TCEA1: variants seen among roughly 807,000 people sequenced by gnomAD.
TCEA1 encodes the protein transcription elongation factor A1, also known as transcription elongation factor A protein 1.
TCEA1 carries 21 observed loss-of-function variants against 43.8 expected under a neutral mutation model. The ratio of observed to expected loss-of-function variants is 0.48; its 90% CI spans 0.34 to 0.69. The LOEUF is 0.69. Ranked by LOEUF, TCEA1 falls within the 30% of genes least tolerant of loss-of-function variation. TCEA1 has a pLI of 0.01. For missense variants in TCEA1, 250 were observed against 365.1 expected, an observed-to-expected ratio of 0.68 and a Z score of 2.57; for synonymous variants, 104 against 117.5, an observed-to-expected ratio of 0.88 and a Z score of 0.75.
At position 53,970,365 on chromosome 8, in the gene TCEA1, A is replaced by G. The variant is rs765024975; in HGVS notation, c.897+27T>C. The G allele has an allele frequency of 4.7e-6, 7 of 1,478,808 alleles. No homozygotes were observed. The East Asian group carries it at 9.1e-5, about 19-fold the overall frequency. 91.6% of individuals were successfully genotyped at this position (1,478,808 alleles called of 1,614,324 possible). On this transcript the variant is annotated intron_variant, in intron 9 of 9. Transcript: ENST00000521604. ...AAATCTTTCTATTTTAAGTGAGTAT[A>G]TAATATGAATCCAAGAGAGTCCATA...
At chr8:53,998,341 CT>C (rs922465573) in intron 3 of TCEA1, among the ~76,000 whole-genome samples, 6 of 151,356 alleles carry the variant, frequency 4.0e-5, no homozygotes, top group South Asian at 2.1e-4. Flanking sequence ...CCTTTCTGTA[CT>C]TTTTTTTTGT....
rs137877648 is a variant in TCEA1, at chr8:53,993,456, ACTT to A, written c.320+209_320+211del. ...AAACTTGTTGAGTACAATATAAATA[ACTT>A]CTTATTTATTCAATGTCTTCTACCT... On this transcript the variant is annotated intron_variant, in intron 4 of 9. Transcript: ENST00000521604. 665 of 417,914 alleles carry A rather than the reference ACTT, an allele frequency of 1.6e-3. 15 individuals carry two copies. The East Asian group carries it at 0.025, about 16-fold the overall frequency. 25.9% of individuals were successfully genotyped at this position (417,914 alleles called of 1,614,324 possible).
At chr8:53,970,339 G>T (rs1803120175) in intron 9 of TCEA1, 53 bp downstream of exon 9, 1 of 1,241,152 alleles carries the variant, frequency 8.1e-7, no homozygotes, top group Admixed American at 1.7e-5. Flanking sequence ...AAGACCAGAA[G>T]AAATCTTTCT....
chr8:53,989,671 T>C (rs1050774250), intron 4 of TCEA1, among the ~76,000 whole-genome samples: 8 of 152,370 alleles, frequency 5.3e-5, no homozygotes, highest in Non-Finnish European at 1.0e-4. Context: ...GATTTACTTT[T>C]CTTTGTATTT....
intron 2 of TCEA1, among the ~76,000 whole-genome samples, chr8:54,004,767 C>T (rs986238168): frequency 1.4e-5 from 2 of 145,922 alleles, no homozygotes; most frequent in Admixed American, 1.4e-4. Context: ...TGAATTATAT[C>T]TCAATAATAC....
At chr8:53,997,856 G>T (rs1804113403) in intron 3 of TCEA1, among the ~76,000 whole-genome samples, 1 of 152,170 alleles carries the variant, frequency 6.6e-6, no homozygotes. Flanking sequence ...AACATAGCAA[G>T]ACCCCTATTT....
chr8:54,008,172 CAAAAAAAAAA>C (rs777634895), intron 2 of TCEA1, among the ~76,000 whole-genome samples: 1 of 42,336 alleles, frequency 2.4e-5, no homozygotes, highest in Non-Finnish European at 4.4e-5. Context: ...AACTGTGTCT[CAAAAAAAAAA>C]AAAAAAAAAA....
At chr8:53,972,815 T>C (rs1803199196) in intron 8 of TCEA1, 1 of 722,152 alleles carries the variant, frequency 1.4e-6, no homozygotes, top group Non-Finnish European at 2.6e-6. Flanking sequence ...TTTATGAGGA[T>C]TGTGGTGGCC....
At chr8:53,975,568 G>C (rs775494107) in intron 8 of TCEA1, among the ~76,000 whole-genome samples, 1 of 152,194 alleles carries the variant, frequency 6.6e-6, no homozygotes, top group Non-Finnish European at 1.5e-5. Flanking sequence ...AAAAAGTAGG[G>C]AAAGTCTGAC....
chr8:53,988,022 G>C (rs913918747), intron 5 of TCEA1, 92 bp downstream of exon 5: 13 of 1,485,198 alleles, frequency 8.8e-6, no homozygotes, highest in African/African-American at 2.8e-5. Flanking sequence ...TATCCACAGG[G>C]TAACACTCAT....
intron 8 of TCEA1, among the ~76,000 whole-genome samples, chr8:53,975,659 T>C (rs571193632): frequency 1.3e-5 from 2 of 152,354 alleles, no homozygotes; most frequent in African/African-American, 4.8e-5. Flanking sequence ...CATTCTATGA[T>C]TCTACTTATA....
At chr8:53,985,070 C>G (rs1442964978) in intron 6 of TCEA1, among the ~76,000 whole-genome samples, 1 of 152,038 alleles carries the variant, frequency 6.6e-6, no homozygotes, top group Non-Finnish European at 1.5e-5. Flanking sequence ...CTCTGTCACC[C>G]AGGCTGGACC....
chr8:54,010,260 T>C (rs549818285), intron 2 of TCEA1, 170 bp downstream of exon 2: 4 of 574,582 alleles, frequency 7.0e-6, no homozygotes, highest in South Asian at 6.5e-5. Context: ...TGCTCTATAA[T>C]GGCAACTTAG....
intron 1 of TCEA1, among the ~76,000 whole-genome samples, chr8:54,020,908 C>T (rs1805001293): frequency 6.6e-6 from 1 of 152,144 alleles, no homozygotes; most frequent in African/African-American, 2.4e-5. Flanking sequence ...CCTGAGAGGC[C>T]AGGCGCAGTG....
In TCEA1 at chr8:53,980,148, TACA is replaced by T. The variant is rs543311061; in HGVS notation, c.679-980_679-978del. On this transcript the variant is annotated intron_variant, in intron 7 of 9. Transcript: ENST00000521604. ...GATTACACTATGAACAATGTAAACT[TACA>T]ACGAGTACCTCTAGTATCCAGATTA... is the stretch of plus-strand genomic sequence containing the variant. Among the ~76,000 whole-genome samples, 631 of 152,304 alleles carry T rather than the reference TACA, an allele frequency of 4.1e-3. 4 individuals are homozygous for T. Among genetic ancestry groups the T allele is most frequent in the African/African-American group, 0.014 (592 of 41,564 alleles).
chr8:53,968,124 GAAA>G lies in TCEA1; in HGVS notation c.898-15_898-13del, dbSNP rs1325709383. 1 of 1,521,826 alleles carries G rather than the reference GAAA, an allele frequency of 6.6e-7. No individual in the cohort carries two copies. Among genetic ancestry groups the G allele is most frequent in the South Asian group, 1.3e-5 (1 of 79,386 alleles). 94.3% of individuals were successfully genotyped at this position (1,521,826 alleles called of 1,614,324 possible). A position where few individuals can be genotyped will look rare whatever the true frequency, so the allele number is the denominator to read the frequency against. ...CCAACTCAACAGAACTGTCAAAAAAGAAAAAATATTTTGTAAGACCTTTAAATA... is the reference window on the plus strand; with the variant it reads ...CCAACTCAACAGAACTGTCAAAAAAGAAATATTTTGTAAGACCTTTAAATA... On this transcript the variant is annotated splice_polypyrimidine_tract_variant and intron_variant, in intron 9 of 9. Coordinates refer to ENST00000521604, the MANE Select transcript of TCEA1 (RefSeq NM_006756.4).
At chr8:54,003,704 A>C (rs972587099) in intron 2 of TCEA1, among the ~76,000 whole-genome samples, 8 of 152,204 alleles carry the variant, frequency 5.3e-5, no homozygotes, top group Non-Finnish European at 1.2e-4. Context: ...CTCAATATGA[A>C]CAGGAGTAAA....
chr8:54,008,349 A>G (rs887532073), intron 2 of TCEA1, among the ~76,000 whole-genome samples: 1 of 151,842 alleles, frequency 6.6e-6, no homozygotes, highest in Non-Finnish European at 1.5e-5. Flanking sequence ...AACAACCAGG[A>G]AACAAATAAT....
intron 8 of TCEA1, chr8:53,972,229 A>G (rs1803178963): frequency 5.7e-6 from 2 of 351,398 alleles, no homozygotes; most frequent in Non-Finnish European, 1.1e-5. Context: ...ACAGGAAGTG[A>G]TGAGGAATCT....
Sources: allele counts gnomAD v4.1 joint callset (sites outside exome capture counted in the v4.1 genomes callset), GRCh38; gene constraint gnomAD v4.1.1; transcripts MANE v1.5; gene names NCBI Gene and HGNC (gene_info 2026-07-23, HGNC 2026-07-21).